HECTD4: variants seen among roughly 807,000 people sequenced by gnomAD.
The protein encoded by HECTD4 is probable E3 ubiquitin-protein ligase HECTD4.
Under a neutral mutation model 471.5 loss-of-function variants are expected in HECTD4, and 114 were observed. That is an observed-to-expected ratio of 0.24 (90% CI 0.21 to 0.28). HECTD4 has a LOEUF of 0.28. Ranked by LOEUF, HECTD4 falls within the 10% of genes least tolerant of loss-of-function variation. The probability of loss-of-function intolerance (pLI) is 1.00; values close to 1 mark genes in which losing one functional copy is unlikely to be tolerated. For missense variants in HECTD4, 3,866 were observed against 5,651.5 expected (o/e 0.68, Z 10.13); for synonymous variants, 2,012 against 2,256.0 (o/e 0.89, Z 3.07).
intron 35 of HECTD4, 73 bp downstream of exon 35, chr12:112,236,872 C>T (rs141692521): frequency 1.5e-6 from 2 of 1,363,740 alleles, no homozygotes; most frequent in East Asian, 2.6e-5. Context: ...AAGACAACCA[C>T]CACCAAAAGA....
At chr12:112,195,105 A>C in intron 55 of HECTD4, 39 bp from the exon 56 acceptor site, 1 of 1,541,896 alleles carries the variant, frequency 6.5e-7, no homozygotes. Flanking sequence ...CAAAGCCCTG[A>C]TGCTCCGGCC....
chr12:112,350,286 A>G (rs1015652553), intron 1 of HECTD4, among the ~76,000 whole-genome samples: 2 of 152,228 alleles, frequency 1.3e-5, no homozygotes, highest in Admixed American at 1.3e-4. Flanking sequence ...ATGTCTTCTT[A>G]GAACTCTAAA....
chr12:112,226,480 C>A, intron 44 of HECTD4, 163 bp downstream of exon 44: 1 of 446,588 alleles, frequency 2.2e-6, no homozygotes, highest in Non-Finnish European at 4.0e-6. Context: ...TTTTTATTTA[C>A]ATTTCTAGGT....
intron 21 of HECTD4, among the ~76,000 whole-genome samples, chr12:112,254,372 A>G (rs1406460151): frequency 6.6e-6 from 1 of 152,200 alleles, no homozygotes; most frequent in Non-Finnish European, 1.5e-5. Context: ...GAAGCCACAG[A>G]GTAATAACAA....
chr12:112,183,598 G>A (rs573578092), intron 61 of HECTD4, among the ~76,000 whole-genome samples: 120 of 152,320 alleles, frequency 7.9e-4, no homozygotes, highest in African/African-American at 2.8e-3. Context: ...GTGATTCTAG[G>A]AAAGAAACCA....
intron 1 of HECTD4, among the ~76,000 whole-genome samples, chr12:112,337,470 C>CA (rs965769628): frequency 6.6e-6 from 1 of 151,870 alleles, no homozygotes; most frequent in Non-Finnish European, 1.5e-5. Flanking sequence ...TATGTTTAGC[C>CA]AAAAAAGATT....
intron 1 of HECTD4, among the ~76,000 whole-genome samples, chr12:112,365,217 T>A (rs886467956): frequency 2.6e-5 from 4 of 152,318 alleles, no homozygotes; most frequent in African/African-American, 9.6e-5. Context: ...ACTTAACCCA[T>A]TATATATACA....
chr12:112,202,392 G>T (rs2032456525), intron 54 of HECTD4, among the ~76,000 whole-genome samples: 2 of 151,986 alleles, frequency 1.3e-5, no homozygotes, highest in Admixed American at 6.5e-5. Flanking sequence ...TTTTAGTAGA[G>T]ATGGGGTTTC....
At chr12:112,367,900 A>AATAGCT (rs1207859114) in intron 1 of HECTD4, among the ~76,000 whole-genome samples, 2 of 151,788 alleles carry the variant, frequency 1.3e-5, no homozygotes, top group Non-Finnish European at 2.9e-5. Context: ...CTGCCCCATA[A>AATAGCT]ATAGCTACAT....
At chr12:112,256,681 A>G (rs959349283) in intron 20 of HECTD4, 163 bp from the exon 21 acceptor site, 9 of 423,050 alleles carry the variant, frequency 2.1e-5, no homozygotes, top group African/African-American at 1.8e-4. Flanking sequence ...AAAAATTCCT[A>G]CATTTAAGGG....
intron 51 of HECTD4, among the ~76,000 whole-genome samples, 180 bp downstream of exon 51, chr12:112,208,314 T>C (rs78321828): frequency 0.014 from 2,186 of 152,334 alleles, 25 homozygotes; most frequent in Admixed American, 0.027. Context: ...GATATCGCTA[T>C]TGATAGGGGT....
Position 112,235,601 on chromosome 12 carries a change from A to G in HECTD4, c.5628T>C (p.Ser1876=). The change falls in exon 36 of 76, where the codon TCT becomes TCC. Residue 1876 remains serine, a synonymous_variant. Coordinates refer to ENST00000682272, the MANE Select transcript of HECTD4 (RefSeq NM_001388303.1). The surrounding 1 kb of genome is among the most constrained non-coding windows in gnomAD (Gnocchi z 5.0). The part of the protein sequence containing the change: ...GNVELPPWSY[S]VPSLNSEQED... ...CCTGCTCACTGTTTAAGGAGGGGAC[A>G]GAGTAGCTCCAGGGTGGGAGCTCCA... The G allele has an allele frequency of 8.7e-6, 14 of 1,614,062 alleles. No homozygotes were observed. The highest frequency in any genetic ancestry group is 1.2e-5 in the Non-Finnish European group (14 of 1,179,890).
At position 112,373,455 on chromosome 12, in the gene HECTD4, G is replaced by A. The variant is rs561688016; in HGVS notation, c.177+8497C>T. Among the ~76,000 whole-genome samples the A allele has an allele frequency of 3.9e-5, 6 of 152,090 alleles. No homozygotes were observed. In the East Asian group the frequency reaches 7.8e-4, roughly 20 times the overall value. On this transcript the variant is annotated intron_variant, in intron 1 of 75. Coordinates refer to ENST00000682272, the MANE Select transcript of HECTD4 (RefSeq NM_001388303.1). ...AAGAATCACTTGAACCCAGGAGGCG[G>A]AGGTTGCAGTGAGCCGAGATCACGC...
At chr12:112,371,036 AC>A (rs1402950063) in intron 1 of HECTD4, among the ~76,000 whole-genome samples, 7 of 152,318 alleles carry the variant, frequency 4.6e-5, no homozygotes, top group Admixed American at 1.3e-4. Context: ...TCGGCAATTG[AC>A]AGTACTTTCA....
In HECTD4 at chr12:112,252,519, C is replaced by T. The variant is rs753358722; in HGVS notation, c.3457G>A (p.Asp1153Asn). ...WPKDLVKVEG[D>N]TVTFSFEMRS... Reference sequence around the variant, plus strand: ...ATTTCAAAGGAGAAGGTGACTGTATCTCCTTCCACCTTAAAATTTAAGGAA... The same window carrying T: ...ATTTCAAAGGAGAAGGTGACTGTATTTCCTTCCACCTTAAAATTTAAGGAA... The change falls in exon 23 of 76, where the codon GAT becomes AAT. Residue 1153 changes from aspartate (D) to asparagine (N), a missense_variant. Physicochemically the swap from Asp to Asn is conservative, Grantham distance 23. Coordinates refer to ENST00000682272, the MANE Select transcript of HECTD4 (RefSeq NM_001388303.1). 6.2e-7 allele frequency: 1 copy of T among 1,610,468 alleles called. No individual in the cohort carries two copies. Among genetic ancestry groups the T allele is most frequent in the East Asian group, 2.2e-5 (1 of 44,644 alleles).
At chr12:112,331,374 C>T (rs376461139) in intron 1 of HECTD4, among the ~76,000 whole-genome samples, 32 of 152,242 alleles carry the variant, frequency 2.1e-4, no homozygotes, top group African/African-American at 7.5e-4. Flanking sequence ...CCTTGTCCAG[C>T]ATCAGTTTTT....
intron 1 of HECTD4, among the ~76,000 whole-genome samples, chr12:112,340,931 C>A (rs1437234716): frequency 6.6e-6 from 1 of 152,178 alleles, no homozygotes; most frequent in Non-Finnish European, 1.5e-5. Context: ...GCATTCAAAC[C>A]TCAATGTGTC....
intron 66 of HECTD4, among the ~76,000 whole-genome samples, chr12:112,175,361 AGGTGGC>A (rs2031398682): frequency 6.6e-6 from 1 of 152,208 alleles, no homozygotes; most frequent in Non-Finnish European, 1.5e-5. Context: ...GACCTTGAGA[AGGTGGC>A]AGTCTGGGAG....
At chr12:112,344,928 AAAGAG>A (rs567949686) in intron 1 of HECTD4, among the ~76,000 whole-genome samples, 108 of 152,052 alleles carry the variant, frequency 7.1e-4, no homozygotes, top group Non-Finnish European at 1.2e-3. Context: ...CAAAAAAAGA[AAAGAG>A]AAGAGAAGAG....
Sources: gnomAD v4.1 joint callset for allele counts (sites outside exome capture counted in the v4.1 genomes callset) on GRCh38, gnomAD v4.1.1 for gene constraint, Gnocchi (gnomAD v3.1) non-coding constraint, MANE v1.5 for transcripts, NCBI Gene and HGNC (gene_info 2026-07-23, HGNC 2026-07-21) for gene names.